The following LILRA2 variants were observed in gnomAD, a reference collection of about 807,000 sequenced individuals.
LILRA2 encodes leukocyte immunoglobulin like receptor A2.
A neutral mutation model predicts 47.9 loss-of-function variants in LILRA2; 45 were observed. The ratio of observed to expected loss-of-function variants is 0.94; its 90% confidence interval spans 0.74 to 1.20. The LOEUF is 1.20. LILRA2 is among the 50% of genes most tolerant of loss of function. The pLI, the probability that LILRA2 is intolerant of heterozygous loss-of-function variation, is 0.00. For missense variants in LILRA2, 651 were observed against 598.2 expected, an observed-to-expected ratio of 1.09 and a Z score of -0.92; for synonymous variants, 279 against 249.2, an observed-to-expected ratio of 1.12 and a Z score of -1.13.
Position 54,588,904 on chromosome 19 carries a change from T to A in LILRA2, c.*1558T>A, listed in dbSNP as rs992790767. On this transcript the variant is annotated 3_prime_UTR_variant, in exon 8 of 8. Transcript: ENST00000391738. The stretch of plus-strand genomic sequence containing the variant: ...TGGTCTTGAACTCCTGACCTCAGGT[T>A]ATCCACCTGCCTCAGCCTCCCAGAG... 6.6e-6 allele frequency: 1 copy of A among 151,882 alleles called. No individual in the cohort carries two copies. The highest frequency in any genetic ancestry group is 6.6e-5 in the Admixed American group (1 of 15,264). The allele number at this position is 151,882 out of a possible 1,614,324, so 9.4% of individuals were successfully genotyped here. A position where few individuals can be genotyped will look rare whatever the true frequency, so the allele number is the denominator to read the frequency against.
chr19:54,579,907 G>A (rs1456472453), intron 6 of LILRA2, among the ~76,000 whole-genome samples: 1 of 152,096 alleles, frequency 6.6e-6, no homozygotes, highest in Non-Finnish European at 1.5e-5. Context: ...TTGGCTCTCT[G>A]TTTGTCTATT....
intron 7 of LILRA2, 23 bp from the exon 8 acceptor site, chr19:54,587,178 A>AC: frequency 2.5e-6 from 4 of 1,613,850 alleles, no homozygotes; most frequent in Non-Finnish European, 3.4e-6. Context: ...ATCTGCCCTG[A>AC]CCTCTGTGAC....
intron 5 of LILRA2, 54 bp downstream of exon 5, chr19:54,575,606 A>T: frequency 7.3e-7 from 1 of 1,378,146 alleles, no homozygotes; most frequent in East Asian, 3.4e-5. Context: ...AGGCCCTGCC[A>T]GGGGAGCCCA....
In LILRA2 at chr19:54,589,427, C is replaced by G. The variant is rs1306911290; in HGVS notation, c.*2081C>G. ...CTGAGACAGGAGAATCGCGTCAACC[C>G]AGGAAACAGAGGTTGCAGTGAGCTG... On this transcript the variant is annotated 3_prime_UTR_variant, in exon 8 of 8. Transcript: ENST00000391738. 1 of 152,148 alleles carries G rather than the reference C, an allele frequency of 6.6e-6. No homozygotes were observed. The highest frequency in any genetic ancestry group is 1.5e-5 in the Non-Finnish European group (1 of 68,046). 9.4% of individuals were successfully genotyped at this position (152,148 alleles called of 1,614,324 possible).
At chr19:54,586,649 G>T (rs2062817588) in intron 6 of LILRA2, among the ~76,000 whole-genome samples, 1 of 152,152 alleles carries the variant, frequency 6.6e-6, no homozygotes, top group Admixed American at 6.5e-5. Flanking sequence ...TCCTGCACCT[G>T]CTCCTTGCAG....
At chr19:54,580,018 A>G (rs1009073449) in intron 6 of LILRA2, among the ~76,000 whole-genome samples, 3 of 152,104 alleles carry the variant, frequency 2.0e-5, no homozygotes, top group Admixed American at 1.3e-4. Context: ...GGCTGAGTCA[A>G]TGGGGTTTTA....
chr19:54,573,834 T>A lies in LILRA2; in HGVS notation c.-45T>A. On this transcript the variant is annotated 5_prime_UTR_variant, in exon 1 of 8. Transcript: ENST00000391738. The stretch of plus-strand genomic sequence containing the variant: ...GTGCGTCTCTCTGTCCTGCCAGCAC[T>A]GAGGGCTCATCCATCCGCAGAGCAG... 2.7e-6 allele frequency: 2 copies of A among 729,982 alleles called. No homozygotes were observed. Among genetic ancestry groups the A allele is most frequent in the South Asian group, 5.5e-5 (2 of 36,680 alleles). The allele number at this position is 729,982 out of a possible 1,614,324, so 45.2% of individuals were successfully genotyped here. A position where few individuals can be genotyped will look rare whatever the true frequency, so the allele number is the denominator to read the frequency against.
At chr19:54,579,541 G>C (rs568423962) in intron 6 of LILRA2, among the ~76,000 whole-genome samples, 1 of 152,134 alleles carries the variant, frequency 6.6e-6, no homozygotes. Flanking sequence ...GTCAGGTAGC[G>C]TGATGCCTCC....
intron 6 of LILRA2, among the ~76,000 whole-genome samples, chr19:54,586,652 C>G (rs1364862513): frequency 6.6e-6 from 1 of 152,148 alleles, no homozygotes; most frequent in African/African-American, 2.4e-5. Flanking sequence ...TGCACCTGCT[C>G]CTTGCAGCCA....
chr19:54,575,867 A>G lies in LILRA2; in HGVS notation c.1013A>G (p.Lys338Arg). 1 of 1,613,884 alleles carries G rather than the reference A, an allele frequency of 6.2e-7. No individual in the cohort carries two copies. Among genetic ancestry groups the G allele is most frequent in the Non-Finnish European group, 8.5e-7 (1 of 1,179,890 alleles). ...CCGGTCCCCACAGTAGCCCCAGGAA[A>G]GAACGTGACCCTGCTGTGTCAGTCA... ...VQPVPTVAPG[K>R]NVTLLCQSRG... Residue 338 changes from lysine to arginine, a missense_variant, in exon 6 of 8, where the codon AAG becomes AGG. Transcript: ENST00000391738.
rs567624317 is a variant in LILRA2, at chr19:54,589,810, A to C, written c.*2464A>C. ...CCACTTAGAATTTCGGTATTTACTC[A>C]CCATTTTGACTCCTCTTAACGAGAC... is the stretch of plus-strand genomic sequence containing the variant. On this transcript the variant is annotated 3_prime_UTR_variant, in exon 8 of 8. Coordinates refer to ENST00000391738, the MANE Select transcript of LILRA2 (RefSeq NM_001130917.3). 3.3e-5 allele frequency: 5 copies of C among 152,132 alleles called. No individual in the cohort carries two copies. The highest frequency in any genetic ancestry group is 9.6e-5 in the African/African-American group (4 of 41,484). 9.4% of individuals were successfully genotyped at this position (152,132 alleles called of 1,614,324 possible).
Position 54,574,943 on chromosome 19 carries a change from C to T in LILRA2, c.565C>T (p.Arg189Cys), listed in dbSNP as rs200966581. The change falls in exon 4 of 8, where the codon CGC (arginine) becomes TGC (cysteine). Residue 189 changes from arginine to cysteine, a missense_variant. By Grantham distance (180) the Arg-to-Cys change is radical. Coordinates refer to ENST00000391738, the MANE Select transcript of LILRA2 (RefSeq NM_001130917.3). The part of the protein sequence containing the change: ...IFSVGPVSPS[R>C]RWSYRCYAYD... ...CTCCGTGGGCCCCGTGAGCCCGAGTCGCAGGTGGTCGTACAGGTGCTATGC... is the reference window on the plus strand; with the variant it reads ...CTCCGTGGGCCCCGTGAGCCCGAGTTGCAGGTGGTCGTACAGGTGCTATGC... 9.4e-5 allele frequency: 152 copies of T among 1,614,268 alleles called. No homozygotes were observed. Among genetic ancestry groups the T allele is most frequent in the Admixed American group, 4.7e-4 (28 of 60,034 alleles).
Position 54,578,951 on chromosome 19 carries a change from C to G in LILRA2, c.1255+2842C>G, listed in dbSNP as rs1203889719. ...GAGAAGTGTCTGTTCATATCCTTTG[C>G]CCACTTTTTGATTTTTTTTTTTTGT... On this transcript the variant is annotated intron_variant, in intron 6 of 7. Transcript: ENST00000391738. Among the ~76,000 whole-genome samples the G allele has an allele frequency of 2.0e-5, 3 of 151,674 alleles. No individual in the cohort carries two copies. In the East Asian group the frequency reaches 5.8e-4, roughly 29 times the overall value.
chr19:54,580,097 A>ATTTT (rs2014914336), intron 6 of LILRA2, among the ~76,000 whole-genome samples: 1 of 149,258 alleles, frequency 6.7e-6, no homozygotes, highest in South Asian at 2.1e-4. Context: ...AATACACTTT[A>ATTTT]TTTCTTTCTC....
At chr19:54,575,582 C>T (rs1366222304) in intron 5 of LILRA2, 30 bp downstream of exon 5, 1 of 1,608,824 alleles carries the variant, frequency 6.2e-7, no homozygotes, top group African/African-American at 1.3e-5. Flanking sequence ...CAGTCAGGGA[C>T]CCAGGCTCTG....
chr19:54,574,043 G>C (rs779636660), intron 1 of LILRA2, 33 bp from the exon 2 acceptor site: 11 of 1,614,024 alleles, frequency 6.8e-6, no homozygotes, highest in African/African-American at 1.3e-5. Context: ...CAGGCTTCAG[G>C]GGAAAAATCC....
At chr19:54,584,648 C>T (rs565153345) in intron 6 of LILRA2, among the ~76,000 whole-genome samples, 5 of 152,286 alleles carry the variant, frequency 3.3e-5, no homozygotes, top group South Asian at 2.1e-4. Flanking sequence ...CTTCTCTACA[C>T]GGTTTATTGT....
chr19:54,584,687 A>G (rs1195840424), intron 6 of LILRA2, among the ~76,000 whole-genome samples: 2 of 152,140 alleles, frequency 1.3e-5, no homozygotes, highest in Non-Finnish European at 2.9e-5. Flanking sequence ...CCATTTTTCA[A>G]GGTTTTTAGC....
At chr19:54,582,384 G>T (rs1245389414) in intron 6 of LILRA2, among the ~76,000 whole-genome samples, 1 of 152,076 alleles carries the variant, frequency 6.6e-6, no homozygotes, top group Non-Finnish European at 1.5e-5. Flanking sequence ...GGTAGAATTC[G>T]GCTGCGAATC....
Sources: allele counts gnomAD v4.1 joint callset (sites outside exome capture counted in the v4.1 genomes callset), GRCh38; gene constraint gnomAD v4.1.1; transcripts MANE v1.5; gene names NCBI Gene and HGNC (gene_info 2026-07-23, HGNC 2026-07-21).